Variants in NBR1 observed in about 807,000 individuals in gnomAD.
The protein encoded by NBR1 is NBR1 autophagy cargo receptor.
Under a neutral mutation model 115.5 loss-of-function variants are expected in NBR1, and 59 were observed. That is an observed-to-expected ratio of 0.51 (90% CI 0.41 to 0.63). The LOEUF is 0.63. NBR1 is among the 30% of genes least tolerant of loss of function. The pLI is 0.00. For missense variants in NBR1, 1,043 were observed against 1,150.5 expected (o/e 0.91, Z 1.35); for synonymous variants, 373 against 414.7 (o/e 0.90, Z 1.22).
chr17:43,202,522 T>TAAA lies in NBR1; in HGVS notation c.2564-133_2564-132insAAA, dbSNP rs200806201. On this transcript the variant is annotated intron_variant, in intron 18 of 20. Coordinates refer to ENST00000590996, the MANE Select transcript of NBR1 (RefSeq NM_005899.5). ...CTACCCTTAAAACTTCCCAAATACT[T>TAAA]TAAAAAAAAAAAAAAAAGACTTCAA... 4.3e-5 allele frequency: 23 copies of TAAA among 535,396 alleles called. 1 individual carries two copies. Among genetic ancestry groups the TAAA allele is most frequent in the South Asian group, 1.4e-4 (5 of 35,976 alleles). 33.2% of individuals were successfully genotyped at this position (535,396 alleles called of 1,614,324 possible).
intron 16 of NBR1, among the ~76,000 whole-genome samples, chr17:43,198,514 G>A (rs964516354): frequency 3.3e-5 from 5 of 151,858 alleles, no homozygotes; most frequent in African/African-American, 9.7e-5. Flanking sequence ...TTAGCTGGGC[G>A]TGGTAGCGTG....
rs749570610 is a variant in NBR1, at chr17:43,193,482, T to A, written c.1368T>A (p.Thr456=). The change falls in exon 12 of 21, where the codon ACT becomes ACA. Residue 456 remains threonine, a synonymous_variant. Transcript: ENST00000590996. ...FIAPALEGTY[T]SHWRLSHKGQ... Reference sequence around the variant, plus strand: ...CCCCAGCCTTGGAGGGAACGTATACTTCCCATTGGCGTCTTTCTCACAAAG... The same window carrying A: ...CCCCAGCCTTGGAGGGAACGTATACATCCCATTGGCGTCTTTCTCACAAAG... The A allele has an allele frequency of 6.2e-7, 1 of 1,613,954 alleles. No individual in the cohort carries two copies. Among genetic ancestry groups the A allele is most frequent in the Non-Finnish European group, 8.5e-7 (1 of 1,179,872 alleles).
chr17:43,177,665 A>G (rs1451977766), intron 2 of NBR1, among the ~76,000 whole-genome samples: 1 of 150,418 alleles, frequency 6.6e-6, no homozygotes, highest in East Asian at 1.9e-4. Context: ...TTCAATTTGC[A>G]TTGTTCTGAC....
chr17:43,195,065 G>A, intron 14 of NBR1, 26 bp downstream of exon 14: 1 of 1,592,116 alleles, frequency 6.3e-7, no homozygotes, highest in Admixed American at 1.7e-5. Flanking sequence ...ATTTCATCTT[G>A]TTCGTCTTAC....
chr17:43,192,245 ACTC>A (rs1006280496), intron 10 of NBR1, among the ~76,000 whole-genome samples: 3 of 149,148 alleles, frequency 2.0e-5, no homozygotes, highest in Admixed American at 6.7e-5. Flanking sequence ...CTGGTCTCGA[ACTC>A]CTGACCTCAT....
chr17:43,191,293 T>C (rs1350081859), intron 9 of NBR1, 79 bp from the exon 10 acceptor site: 1 of 999,210 alleles, frequency 1.0e-6, no homozygotes. Flanking sequence ...CTGACACTGA[T>C]GGAAATTGCA....
At chr17:43,205,379 T>C (rs2057294050) in intron 20 of NBR1, among the ~76,000 whole-genome samples, 3 of 152,092 alleles carry the variant, frequency 2.0e-5, no homozygotes, top group Admixed American at 2.0e-4. Flanking sequence ...ACTATGCCAG[T>C]GCTATCAGAC....
chr17:43,184,016 T>G (rs1473549436), intron 5 of NBR1, among the ~76,000 whole-genome samples: 2 of 151,718 alleles, frequency 1.3e-5, no homozygotes, highest in Non-Finnish European at 2.9e-5. Flanking sequence ...TGACAGCACT[T>G]GTTAAAAAAA....
At chr17:43,209,498 G>T in intron 20 of NBR1, 1 of 1,356,766 alleles carries the variant, frequency 7.4e-7, no homozygotes, top group Non-Finnish European at 1.0e-6. Flanking sequence ...GCATCTTTCA[G>T]TAACACTTTT....
Position 43,177,820 on chromosome 17 carries a change from C to A in NBR1, c.103-116C>A, listed in dbSNP as rs919625145. On this transcript the variant is annotated intron_variant, in intron 2 of 20. Transcript: ENST00000590996. Reference sequence around the variant, plus strand: ...CTCTGGGTGTGTTGCAGATATTAACCCTTTGTTATGGGTTATTAAGGTTGT... The same window carrying A: ...CTCTGGGTGTGTTGCAGATATTAACACTTTGTTATGGGTTATTAAGGTTGT... 23 of 878,676 alleles carry A rather than the reference C, an allele frequency of 2.6e-5. No individual in the cohort carries two copies. In the African/African-American group the frequency reaches 3.2e-4, roughly 12 times the overall value. The allele number at this position is 878,676 out of a possible 1,614,324, so 54.4% of individuals were successfully genotyped here. A position where few individuals can be genotyped will look rare whatever the true frequency, so the allele number is the denominator to read the frequency against.
intron 4 of NBR1, 24 bp from the exon 5 acceptor site, chr17:43,180,771 G>A (rs1273566111): frequency 2.1e-6 from 3 of 1,453,982 alleles, no homozygotes; most frequent in African/African-American, 3.0e-5. Context: ...GAAGTATCAT[G>A]GTGTATATTT....
chr17:43,193,329 T>G lies in NBR1; in HGVS notation c.1234-19T>G, dbSNP rs570095847. The G allele has an allele frequency of 6.2e-7, 1 of 1,612,578 alleles. No individual in the cohort carries two copies. The highest frequency in any genetic ancestry group is 2.2e-5 in the East Asian group (1 of 44,868). On this transcript the variant is annotated intron_variant, in intron 11 of 20. Transcript: ENST00000590996. ...GCTCAGCTGACAAGCTTGCTTTCTC[T>G]TCTTACTGTTCTTTTCAGCTCAAGT...
At chr17:43,185,416 T>C (rs1458535560) in intron 5 of NBR1, among the ~76,000 whole-genome samples, 1 of 151,988 alleles carries the variant, frequency 6.6e-6, no homozygotes, top group Non-Finnish European at 1.5e-5. Context: ...AATACAAAAG[T>C]TAGCCAGGTA....
Position 43,189,758 on chromosome 17 carries a change from C to T in NBR1, c.651C>T (p.Cys217=). 6.2e-7 allele frequency: 1 copy of T among 1,613,934 alleles called. No homozygotes were observed. The highest frequency in any genetic ancestry group is 8.5e-7 in the Non-Finnish European group (1 of 1,179,870). Residue 217 remains cysteine, a synonymous_variant, in exon 8 of 21, where the codon TGC becomes TGT. Transcript: ENST00000590996. ...PENQFSWHIA[C]NNCQRRIVGV... Reference sequence around the variant, plus strand: ...ACCAGTTCAGCTGGCATATTGCTTGCAACAACTGCCAAAGAAGGATTGTTG... The same window carrying T: ...ACCAGTTCAGCTGGCATATTGCTTGTAACAACTGCCAAAGAAGGATTGTTG...
rs967960969 is a variant in NBR1 at position 43,194,434 on chromosome 17, A to G, written c.1609A>G (p.Lys537Glu). The change falls in exon 13 of 21, where the codon AAG becomes GAG. Residue 537 changes from lysine to glutamate, a missense_variant. By Grantham distance (56) the Lys-to-Glu change is moderately conservative (BLOSUM62 1). Coordinates refer to ENST00000590996, the MANE Select transcript of NBR1 (RefSeq NM_005899.5). ...TEGTAACIPQ[K>E]AKNVASEREL... ...AGGGACAGCAGCCTGCATCCCACAG[A>G]AGGCAAAAAATGTTGCCAGTGAGAG... 3 of 1,613,802 alleles carry G rather than the reference A, an allele frequency of 1.9e-6. No homozygotes were observed. Among genetic ancestry groups the G allele is most frequent in the Non-Finnish European group, 2.5e-6 (3 of 1,179,822 alleles).
chr17:43,206,275 G>C (rs1390090901), intron 20 of NBR1, among the ~76,000 whole-genome samples: 2 of 152,098 alleles, frequency 1.3e-5, no homozygotes, highest in African/African-American at 4.8e-5. Context: ...AATAGGAGGA[G>C]CAATTGAAGG....
At position 43,186,304 on chromosome 17, in the gene NBR1, G is replaced by A. The variant is rs529031514; in HGVS notation, c.262G>A (p.Val88Ile). 2.5e-6 allele frequency: 4 copies of A among 1,589,720 alleles called. No homozygotes were observed. The East Asian group carries it at 6.8e-5, about 27-fold the overall frequency. Residue 88 changes from valine to isoleucine, a missense_variant, in exon 6 of 21, where the codon GTC (valine) becomes ATC (isoleucine). Val to Ile is a conservative substitution (Grantham distance 29). Transcript: ENST00000590996. Reference protein sequence around the residue: ...LQMQVHEGHHVVDEAPPPVVG... With the variant: ...LQMQVHEGHHIVDEAPPPVVG... The stretch of plus-strand genomic sequence containing the variant: ...GATGCAAGTCCACGAAGGGCACCAT[G>A]TCGTTGATGAAGCCCCACCCCCAGT...
rs778277020 is a variant in NBR1, at chr17:43,191,455, T to G, written c.947T>G (p.Val316Gly). Residue 316 changes from valine (V) to glycine (G), a missense_variant, in exon 10 of 21, where the codon GTC becomes GGC. By Grantham distance (109) the Val-to-Gly change is moderately radical. Coordinates refer to ENST00000590996, the MANE Select transcript of NBR1 (RefSeq NM_005899.5). ...GAGAAGAAACAACGTAAAGCAGAGG[T>G]CAAGGAACTTAAAAAGCAGCTTAAA... ...RAEKKQRKAE[V>G]KELKKQLKLH... The G allele has an allele frequency of 6.2e-7, 1 of 1,613,014 alleles. No homozygotes were observed. Among genetic ancestry groups the G allele is most frequent in the East Asian group, 2.2e-5 (1 of 44,886 alleles).
rs540564972 is a variant in NBR1, at chr17:43,203,734, T to C, written c.2675T>C (p.Val892Ala). 3 of 1,609,904 alleles carry C rather than the reference T, an allele frequency of 1.9e-6. No individual in the cohort carries two copies. In the South Asian group the frequency reaches 3.3e-5, roughly 18 times the overall value. Residue 892 changes from valine (V) to alanine (A), a missense_variant, in exon 20 of 21, where the codon GTT becomes GCT. Val to Ala is a moderately conservative substitution (Grantham distance 64). Transcript: ENST00000590996. ...GGACTGGTGAAGGGGGCTTTGTCTG[T>C]TGCTGCCTCTGCATACAAGGCCCTG... The part of the protein sequence containing the change: ...AGGLVKGALS[V>A]AASAYKALFA...
Sources: allele counts gnomAD v4.1 joint callset (sites outside exome capture counted in the v4.1 genomes callset), GRCh38; gene constraint gnomAD v4.1.1; transcripts MANE v1.5; gene names NCBI Gene and HGNC (gene_info 2026-07-23, HGNC 2026-07-21).